FOXN3: variants seen among roughly 807,000 people sequenced by gnomAD.
FOXN3 encodes the protein forkhead box protein N3.
Under a neutral mutation model 38.4 loss-of-function variants are expected in FOXN3, and 7 were observed. The ratio of observed to expected loss-of-function variants is 0.18; its 90% CI spans 0.10 to 0.34. The LOEUF is 0.34. Among genes scored for constraint, FOXN3 ranks in the 10% least tolerant of loss-of-function variants. The pLI is 1.00. For synonymous variants in FOXN3, 230 were observed against 242.2 expected (o/e 0.95, Z 0.47); for missense variants, 456 against 613.4 (o/e 0.74, Z 2.71).
chr14:89,193,466 G>A (rs1327378009), intron 4 of FOXN3, among the ~76,000 whole-genome samples: 1 of 152,120 alleles, frequency 6.6e-6, no homozygotes. Flanking sequence ...AACCTAAGTG[G>A]GACATTCCCA....
At chr14:89,180,593 G>C in intron 5 of FOXN3, 108 bp downstream of exon 5, 1 of 700,406 alleles carries the variant, frequency 1.4e-6, no homozygotes, top group Non-Finnish European at 2.2e-6. Context: ...GTTTATTGCT[G>C]TCACTAGTTC....
intron 4 of FOXN3, among the ~76,000 whole-genome samples, chr14:89,266,442 G>A (rs72701612): frequency 0.039 from 5,893 of 152,170 alleles, 141 homozygotes; most frequent in Non-Finnish European, 0.061. Context: ...GTCACATGCG[G>A]GGCGGTGGTG....
At chr14:89,179,064 A>C (rs908786561) in intron 5 of FOXN3, among the ~76,000 whole-genome samples, 1 of 152,232 alleles carries the variant, frequency 6.6e-6, no homozygotes, top group Non-Finnish European at 1.5e-5. Flanking sequence ...GAGCATTGGA[A>C]TTTTGGCTTC....
chr14:89,448,455 A>C (rs1455066825), intron 1 of FOXN3, among the ~76,000 whole-genome samples: 1 of 151,922 alleles, frequency 6.6e-6, no homozygotes. Flanking sequence ...TCCCTGCACC[A>C]CACCATCCTG....
chr14:89,371,905 G>C (rs1023902261), intron 2 of FOXN3, among the ~76,000 whole-genome samples: 1 of 151,890 alleles, frequency 6.6e-6, no homozygotes, highest in East Asian at 1.9e-4. Flanking sequence ...TCCTTCACCC[G>C]TTCAGGTCCC....
rs1256937924 is a variant in FOXN3 at position 89,484,332 on chromosome 14, A to G, written c.-14-71842T>C. ...TAAAAGACCATAGGGTAAATATTTC[A>G]TGGTTTCCATTGCACTTATTTAACT... On this transcript the variant is annotated intron_variant, in intron 1 of 6. Coordinates refer to the FOXN3 transcript ENST00000345097. The surrounding 1 kb of genome is among the most constrained non-coding windows in gnomAD (Gnocchi z 4.0). 6.6e-6 allele frequency among the ~76,000 whole-genome samples: 1 copy of G among 152,254 alleles called. No individual in the cohort carries two copies. Among genetic ancestry groups the G allele is most frequent in the Non-Finnish European group, 1.5e-5 (1 of 68,048 alleles).
At chr14:89,330,649 A>G (rs1888221056) in intron 3 of FOXN3, among the ~76,000 whole-genome samples, 1 of 152,258 alleles carries the variant, frequency 6.6e-6, no homozygotes, top group South Asian at 2.1e-4. Context: ...GAAAAACCAT[A>G]AACGATGTTT....
chr14:89,531,875 T>C (rs1184013228), intron 1 of FOXN3, among the ~76,000 whole-genome samples: 1 of 152,146 alleles, frequency 6.6e-6, no homozygotes, highest in Non-Finnish European at 1.5e-5. Context: ...AGTGGCGCAA[T>C]CTCAGCTCAC....
At chr14:89,472,502 C>T (rs1446771056) in intron 1 of FOXN3, among the ~76,000 whole-genome samples, 5 of 152,094 alleles carry the variant, frequency 3.3e-5, no homozygotes, top group African/African-American at 4.8e-5. Context: ...GGGCAGATCA[C>T]GAGGTCAGGA....
chr14:89,243,783 C>A (rs1338722472), intron 4 of FOXN3, among the ~76,000 whole-genome samples: 1 of 152,214 alleles, frequency 6.6e-6, no homozygotes, highest in African/African-American at 2.4e-5. Context: ...CCATTTTCCA[C>A]AACCTATGGA....
chr14:89,617,421 T>C (rs1896514664), intron 1 of FOXN3, among the ~76,000 whole-genome samples: 1 of 152,276 alleles, frequency 6.6e-6, no homozygotes, highest in Non-Finnish European at 1.5e-5. Context: ...CTGATTTTGA[T>C]TGTTTGCTTT....
chr14:89,352,948 C>A (rs947366155), intron 2 of FOXN3, among the ~76,000 whole-genome samples: 5 of 152,178 alleles, frequency 3.3e-5, no homozygotes, highest in Non-Finnish European at 7.3e-5. Flanking sequence ...GAGATCGCAC[C>A]ATTTGCACTC....
chr14:89,246,291 G>C (rs1885293078), intron 4 of FOXN3, among the ~76,000 whole-genome samples: 1 of 152,102 alleles, frequency 6.6e-6, no homozygotes, highest in South Asian at 2.1e-4. Flanking sequence ...CATTTTAATT[G>C]TGTTACATCT....
At chr14:89,534,967 A>T (rs1018594756) in intron 1 of FOXN3, among the ~76,000 whole-genome samples, 2 of 152,296 alleles carry the variant, frequency 1.3e-5, no homozygotes, top group Non-Finnish European at 1.5e-5. Flanking sequence ...GCTTCAATTG[A>T]AGATATATTT....
In FOXN3 at chr14:89,181,450, C is replaced by T. The variant is rs141320169; in HGVS notation, c.746-644G>A. On this transcript the variant is annotated intron_variant, in intron 4 of 5. Transcript: ENST00000557258. Reference sequence around the variant, plus strand: ...GACCCAAATTATCTCTCGTAAAAGCCGATTTTAAAAGCTACTTGGCATCTC... The same window carrying T: ...GACCCAAATTATCTCTCGTAAAAGCTGATTTTAAAAGCTACTTGGCATCTC... 5.5e-3 allele frequency among the ~76,000 whole-genome samples: 832 copies of T among 152,250 alleles called. 9 individuals are homozygous for T. The highest frequency in any genetic ancestry group is 7.4e-3 in the Non-Finnish European group (503 of 68,018).
rs77422406 is a variant in FOXN3 at position 89,285,535 on chromosome 14, AAG to A, written c.681-4523_681-4522del. 9.3e-5 allele frequency among the ~76,000 whole-genome samples: 14 copies of A among 149,746 alleles called. 1 individual carries two copies. Among genetic ancestry groups the A allele is most frequent in the African/African-American group, 1.0e-4 (4 of 39,540 alleles). ...CTCCGTCTCAAAACAAAAAAAAAAA[AAG>A]AGAGAGAGAAGAAGATGCTACAACA... On this transcript the variant is annotated intron_variant, in intron 3 of 5. Coordinates refer to ENST00000557258, the MANE Select transcript of FOXN3 (RefSeq NM_005197.4).
intron 2 of FOXN3, among the ~76,000 whole-genome samples, chr14:89,356,048 A>AAAAAAAG (rs1224721096): frequency 6.6e-6 from 1 of 152,166 alleles, no homozygotes; most frequent in Non-Finnish European, 1.5e-5. Context: ...ATGAAAAGAA[A>AAAAAAAG]AAAAAAGAAA....
intron 3 of FOXN3, among the ~76,000 whole-genome samples, chr14:89,348,282 C>A (rs970892984): frequency 3.3e-5 from 5 of 152,118 alleles, no homozygotes; most frequent in African/African-American, 9.7e-5. Context: ...CCAGCCAGAT[C>A]ACGTCAATTC....
At position 89,465,951 on chromosome 14, in the gene FOXN3, T is replaced by C. The variant is rs369745858; in HGVS notation, c.-14-53461A>G. Among the ~76,000 whole-genome samples the C allele has an allele frequency of 9.8e-5, 15 of 152,370 alleles. No individual in the cohort carries two copies. In the East Asian group the frequency reaches 2.7e-3, roughly 27 times the overall value. ...AGACAGGCTGATTATTTGAACAGAA[T>C]ATCAGGGTCATTCCCATCTCCATCT... On this transcript the variant is annotated intron_variant, in intron 1 of 6. Transcript: ENST00000345097.
Sources: allele counts gnomAD v4.1 joint callset (sites outside exome capture counted in the v4.1 genomes callset), GRCh38; gene constraint gnomAD v4.1.1; non-coding constraint Gnocchi (gnomAD v3.1); transcripts MANE v1.5; gene names NCBI Gene and HGNC (gene_info 2026-07-23, HGNC 2026-07-21).